IARS2: variants seen among roughly 807,000 people sequenced by gnomAD.
IARS2 encodes isoleucyl-tRNA synthetase 2, mitochondrial.
IARS2 carries 56 observed loss-of-function variants against 126.3 expected under a neutral mutation model. The ratio of observed to expected loss-of-function variants is 0.44; its 90% CI spans 0.36 to 0.55. The LOEUF (loss-of-function observed/expected upper bound fraction) is 0.55. Ranked by LOEUF, IARS2 falls within the 20% of genes least tolerant of loss-of-function variation. IARS2 has a pLI of 0.00. For missense variants in IARS2, 1,127 were observed against 1,245.9 expected (o/e 0.90, Z 1.44); for synonymous variants, 407 against 441.1 (o/e 0.92, Z 0.97).
At chr1:220,144,633 CT>C (rs1657554201) in intron 21 of IARS2, among the ~76,000 whole-genome samples, 1 of 152,102 alleles carries the variant, frequency 6.6e-6, no homozygotes. Flanking sequence ...TAGTCCTGGC[CT>C]TTTTTCCTAC....
intron 1 of IARS2, among the ~76,000 whole-genome samples, chr1:220,094,872 T>C (rs1279833739): frequency 6.6e-6 from 1 of 151,886 alleles, no homozygotes; most frequent in Non-Finnish European, 1.5e-5. Context: ...GCGCAGTGGC[T>C]CACGCCTGTA....
In IARS2 at chr1:220,121,638, C is replaced by CTTTA. The variant is rs1403361827; in HGVS notation, c.1641-3598_1641-3595dup. 2.0e-5 allele frequency among the ~76,000 whole-genome samples: 3 copies of CTTTA among 151,974 alleles called. No homozygotes were observed. In the East Asian group the frequency reaches 5.8e-4, roughly 29 times the overall value. On this transcript the variant is annotated intron_variant, in intron 12 of 22. Transcript: ENST00000366922. ...ATTTTTTTTAAAATAGATGTGGGGT[C>CTTTA]TTTACTATGTTGCCCAGGCTGGTCT...
At chr1:220,119,355 C>T (rs1245139165) in intron 12 of IARS2, among the ~76,000 whole-genome samples, 1 of 152,036 alleles carries the variant, frequency 6.6e-6, no homozygotes, top group Non-Finnish European at 1.5e-5. Flanking sequence ...AGATTACATA[C>T]TGGTAAGTGG....
intron 20 of IARS2, among the ~76,000 whole-genome samples, chr1:220,142,337 A>G (rs1657506659): frequency 1.3e-5 from 2 of 152,152 alleles, no homozygotes; most frequent in Non-Finnish European, 2.9e-5. Context: ...CATCTCTACT[A>G]AAAATATAAA....
Position 220,141,837 on chromosome 1 carries a change from C to T in IARS2, c.2449C>T (p.Arg817Cys), listed in dbSNP as rs779474243. ...TGAAAAGGAAAATGACCCCAAACGA[C>T]GCTCTTGTCAGACTGCATTAGTTGA... is the stretch of plus-strand genomic sequence containing the variant. ...YCEKENDPKR[R>C]SCQTALVEIL... Residue 817 changes from arginine to cysteine, a missense_variant, in exon 20 of 23, where the codon CGC (arginine) becomes TGC (cysteine). Transcript: ENST00000366922. 4.3e-6 allele frequency: 7 copies of T among 1,614,098 alleles called. No homozygotes were observed. Among genetic ancestry groups the T allele is most frequent in the South Asian group, 2.2e-5 (2 of 91,066 alleles).
At chr1:220,133,566 A>G (rs993440558) in intron 14 of IARS2, among the ~76,000 whole-genome samples, 4 of 152,244 alleles carry the variant, frequency 2.6e-5, no homozygotes, top group African/African-American at 7.2e-5. Context: ...AATTTTACAA[A>G]TAAAAGGGAT....
In IARS2 at chr1:220,145,544, G is replaced by A. The variant is rs1435023491; in HGVS notation, c.2787G>A (p.Gln929=). The change falls in exon 22 of 23, where the codon CAG becomes CAA. Residue 929 remains glutamine (Q), a synonymous_variant. Coordinates refer to ENST00000366922, the MANE Select transcript of IARS2 (RefSeq NM_018060.4). ...CTGAAGAGACTTCCAGCACCTCTCAGTTGAATGAATTAATGATGGCTTCTG... is the reference window on the plus strand; with the variant it reads ...CTGAAGAGACTTCCAGCACCTCTCAATTGAATGAATTAATGATGGCTTCTG... ...LQSEETSSTS[Q]LNELMMASES... is the part of the protein sequence containing the mutation. The A allele has an allele frequency of 2.5e-5, 40 of 1,613,550 alleles. No homozygotes were observed. The highest frequency in any genetic ancestry group is 3.1e-5 in the Non-Finnish European group (36 of 1,179,712).
chr1:220,110,096 C>T (rs567941420), intron 10 of IARS2, among the ~76,000 whole-genome samples: 11 of 152,116 alleles, frequency 7.2e-5, no homozygotes, highest in South Asian at 2.1e-4. Context: ...GCTTTGTTGC[C>T]CAGGCTGGAG....
chr1:220,114,256 G>A (rs1656870143), intron 11 of IARS2, 58 bp from the exon 12 acceptor site: 1 of 1,481,572 alleles, frequency 6.7e-7, no homozygotes, highest in Non-Finnish European at 9.4e-7. Flanking sequence ...AAAATTGACT[G>A]TTCTAGAATA....
Position 220,139,004 on chromosome 1 carries a change from A to G in IARS2, c.2176-4A>G, listed in dbSNP as rs2102840075. On this transcript the variant is annotated splice_region_variant and splice_polypyrimidine_tract_variant and intron_variant, in intron 17 of 22. Coordinates refer to ENST00000366922, the MANE Select transcript of IARS2 (RefSeq NM_018060.4). ...AACTGCATATTTTTTCTTCCTATGAATAGCTTAGGAATACACTTCGCTTTC... is the reference window on the plus strand; with the variant it reads ...AACTGCATATTTTTTCTTCCTATGAGTAGCTTAGGAATACACTTCGCTTTC... The G allele has an allele frequency of 2.5e-6, 4 of 1,605,234 alleles. No individual in the cohort carries two copies. The East Asian group carries it at 8.9e-5, about 36-fold the overall frequency.
At chr1:220,127,479 G>C (rs1289410791) in intron 14 of IARS2, among the ~76,000 whole-genome samples, 1 of 152,232 alleles carries the variant, frequency 6.6e-6, no homozygotes, top group Non-Finnish European at 1.5e-5. Context: ...GATGTGTTTA[G>C]ATGCTTGAGA....
intron 14 of IARS2, among the ~76,000 whole-genome samples, chr1:220,130,061 G>A (rs1657228040): frequency 6.6e-6 from 1 of 152,112 alleles, no homozygotes; most frequent in African/African-American, 2.4e-5. Flanking sequence ...GCTAACTGGG[G>A]TAAGATGATA....
intron 11 of IARS2, 42 bp downstream of exon 11, chr1:220,110,979 C>T: frequency 6.3e-7 from 1 of 1,593,150 alleles, no homozygotes; most frequent in Non-Finnish European, 8.6e-7. Flanking sequence ...GCATATCATT[C>T]CCTCAGTATA....
intron 13 of IARS2, 26 bp downstream of exon 13, chr1:220,125,365 C>G (rs760995088): frequency 3.6e-6 from 5 of 1,382,612 alleles, no homozygotes; most frequent in South Asian, 3.5e-5. Flanking sequence ...TATTTAACAG[C>G]CTTTGTATGT....
intron 14 of IARS2, among the ~76,000 whole-genome samples, chr1:220,128,327 C>T (rs932485634): frequency 2.8e-4 from 42 of 152,046 alleles, no homozygotes; most frequent in African/African-American, 1.0e-3. Flanking sequence ...TTTACTGTAC[C>T]TTTTCTGTGT....
Position 220,143,227 on chromosome 1 carries a change from A to G in IARS2, c.2751+93A>G, listed in dbSNP as rs535150361. 97 of 786,768 alleles carry G rather than the reference A, an allele frequency of 1.2e-4. 2 individuals are homozygous for G. In the South Asian group the frequency reaches 2.5e-3, roughly 20 times the overall value. The allele number at this position is 786,768 out of a possible 1,614,324, so 48.7% of individuals were successfully genotyped here. ...AAAATGTGTCTAAATTAATCAAATAACATTGGGTTATGTGTAACTTTACTA... is the reference window on the plus strand; with the variant it reads ...AAAATGTGTCTAAATTAATCAAATAGCATTGGGTTATGTGTAACTTTACTA... On this transcript the variant is annotated intron_variant, in intron 21 of 22. Coordinates refer to ENST00000366922, the MANE Select transcript of IARS2 (RefSeq NM_018060.4).
chr1:220,147,433 A>G (rs1657623989), intron 22 of IARS2, 60 bp from the exon 23 acceptor site: 2 of 1,551,432 alleles, frequency 1.3e-6, no homozygotes, highest in East Asian at 4.5e-5. Context: ...TAAACCAATT[A>G]AGAAACAGTG....
Position 220,145,572 on chromosome 1 carries a change from T to G in IARS2, c.2815T>G (p.Ser939Ala). ...GAATGAATTAATGATGGCTTCTGAG[T>G]CAACTTTACTGGCTCAGGAACCACG... ...QLNELMMASESTLLAQEPREM... is the reference protein window; with the variant it reads ...QLNELMMASEATLLAQEPREM... Residue 939 changes from serine (S) to alanine (A), a missense_variant, in exon 22 of 23, where the codon TCA (serine) becomes GCA (alanine). Transcript: ENST00000366922. The G allele has an allele frequency of 6.2e-7, 1 of 1,613,678 alleles. No homozygotes were observed. The highest frequency in any genetic ancestry group is 1.6e-4 in the Middle Eastern group (1 of 6,062).
intron 9 of IARS2, 121 bp downstream of exon 9, chr1:220,106,181 A>G (rs1363327611): frequency 1.4e-5 from 11 of 764,484 alleles, no homozygotes; most frequent in Non-Finnish European, 2.0e-5. Context: ...TGAAATGCTC[A>G]GGTTTGTGTA....
Sources: gnomAD v4.1 joint callset for allele counts (sites outside exome capture counted in the v4.1 genomes callset) on GRCh38, gnomAD v4.1.1 for gene constraint, MANE v1.5 for transcripts, NCBI Gene and HGNC (gene_info 2026-07-23, HGNC 2026-07-21) for gene names.